Variants in TCF25 observed in about 807,000 individuals in gnomAD.
TCF25 encodes ribosome quality control complex subunit TCF25.
A neutral mutation model predicts 83.1 loss-of-function variants in TCF25; 41 were observed. The ratio of observed to expected loss-of-function variants is 0.49; its 90% CI spans 0.38 to 0.64. The LOEUF (loss-of-function observed/expected upper bound fraction) is 0.64, where lower values mean the gene tolerates loss of function less well. TCF25 is among the 30% of genes least tolerant of loss of function. TCF25 has a pLI of 0.00. For missense variants in TCF25, 979 were observed against 914.5 expected, an observed-to-expected ratio of 1.07 and a Z score of -0.91; for synonymous variants, 458 against 365.0, an observed-to-expected ratio of 1.25 and a Z score of -2.90.
At chr16:89,895,233 AT>A in intron 8 of TCF25, 96 bp downstream of exon 8, 1 of 1,149,376 alleles carries the variant, frequency 8.7e-7, no homozygotes, top group Non-Finnish European at 1.3e-6. Flanking sequence ...GGTTGCCAGG[AT>A]ATCCATGACA....
chr16:89,881,453 TA>T (rs966638381), intron 1 of TCF25, among the ~76,000 whole-genome samples: 5 of 152,056 alleles, frequency 3.3e-5, no homozygotes, highest in African/African-American at 7.2e-5. Context: ...GCTTTTTTTT[TA>T]AAAAATTTAG....
At position 89,900,523 on chromosome 16, in the gene TCF25, A is replaced by G. The variant is rs1432563204; in HGVS notation, c.1222-112A>G. 8 of 1,275,776 alleles carry G rather than the reference A, an allele frequency of 6.3e-6. No individual in the cohort carries two copies. In the Admixed American group the frequency reaches 9.3e-5, roughly 15 times the overall value. The allele number at this position is 1,275,776 out of a possible 1,614,324, so 79.0% of individuals were successfully genotyped here. A position where few individuals can be genotyped will look rare whatever the true frequency, so the allele number is the denominator to read the frequency against. On this transcript the variant is annotated intron_variant, in intron 11 of 17. Transcript: ENST00000263346. ...AGGAAGAGGCCCTTGCGTTGCCTGC[A>G]GAATATACCTGCTCGGGGTAGGGCT...
Position 89,905,068 on chromosome 16 carries a change from G to T in TCF25, c.1600G>T (p.Asp534Tyr). The T allele has an allele frequency of 6.2e-7, 1 of 1,602,028 alleles. No homozygotes were observed. The highest frequency in any genetic ancestry group is 8.5e-7 in the Non-Finnish European group (1 of 1,175,000). The change falls in exon 14 of 18, where the codon GAC becomes TAC. Residue 534 changes from aspartate to tyrosine, a missense_variant. Transcript: ENST00000263346. ...HEVLQAVDAG[D>Y]PAVEACENRR... ...GGTTCTGCAAGCAGTGGACGCCGGG[G>T]ACCCAGCCGTGGAAGCCTGTGAGAA...
chr16:89,908,839 C>G (rs199951575), intron 16 of TCF25: 6 of 1,023,978 alleles, frequency 5.9e-6, no homozygotes, highest in African/African-American at 1.7e-5. Flanking sequence ...GCTCCCACCT[C>G]GCAGCTCCCA....
At chr16:89,883,815 C>T (rs1047537842) in intron 2 of TCF25, 105 of 292,810 alleles carry the variant, frequency 3.6e-4, no homozygotes, top group African/African-American at 2.5e-3. Context: ...CGACCGCGCA[C>T]GTGTGTGCCT....
In TCF25 at chr16:89,905,682, G is replaced by A. The variant is rs77859222; in HGVS notation, c.1629-512G>A. Among the ~76,000 whole-genome samples, 863 of 152,340 alleles carry A rather than the reference G, an allele frequency of 5.7e-3. 5 individuals carry two copies. Among genetic ancestry groups the A allele is most frequent in the African/African-American group, 0.019 (806 of 41,576 alleles). On this transcript the variant is annotated intron_variant, in intron 14 of 17. Coordinates refer to ENST00000263346, the MANE Select transcript of TCF25 (RefSeq NM_014972.3). ...TGTGCCGCGGACATGAGGTGTGCCC[G>A]GGGGTGCCCAAGAGGCGCTGGTGCC...
At position 89,904,235 on chromosome 16, in the gene TCF25, G is replaced by A. The variant is rs1226405476; in HGVS notation, c.1469+30G>A. ...AGAGTGGCTGGTGGTGCCCATCTGT[G>A]GGTGCCTGTGGGTTCGGAGCCTGGG... On this transcript the variant is annotated intron_variant, in intron 13 of 17. Coordinates refer to ENST00000263346, the MANE Select transcript of TCF25 (RefSeq NM_014972.3). The A allele has an allele frequency of 4.2e-5, 65 of 1,550,936 alleles. No homozygotes were observed. In the East Asian group the frequency reaches 1.6e-3, roughly 38 times the overall value.
chr16:89,889,156 G>T, intron 5 of TCF25: 1 of 367,062 alleles, frequency 2.7e-6, no homozygotes, highest in Non-Finnish European at 5.2e-6. Flanking sequence ...TCCACCTCTG[G>T]ACTCTCCATC....
chr16:89,887,610 A>T, intron 4 of TCF25, 42 bp from the exon 5 acceptor site: 1 of 1,549,184 alleles, frequency 6.5e-7, no homozygotes, highest in Non-Finnish European at 8.7e-7. Context: ...TCGTCTTAGA[A>T]CATAATTTCA....
intron 6 of TCF25, 115 bp from the exon 7 acceptor site, chr16:89,893,613 A>G: frequency 6.5e-7 from 1 of 1,529,854 alleles, no homozygotes; most frequent in Non-Finnish European, 8.9e-7. Context: ...ACTCAGGTCA[A>G]GTTTGTCGAT....
chr16:89,908,266 CCTCT>C (rs1318354941), intron 16 of TCF25, among the ~76,000 whole-genome samples: 5 of 120,646 alleles, frequency 4.1e-5, no homozygotes, highest in African/African-American at 1.7e-4. Context: ...CTCCCAGCTC[CCTCT>C]TCCCTCCTCC....
intron 7 of TCF25, 127 bp downstream of exon 7, chr16:89,893,985 A>G: frequency 7.1e-7 from 1 of 1,400,072 alleles, no homozygotes; most frequent in Non-Finnish European, 9.6e-7. Context: ...GAAGGGTGCC[A>G]GTCTCTGCAG....
chr16:89,873,700 G>C lies in TCF25; in HGVS notation c.33G>C (p.Gly11=). The C allele has an allele frequency of 1.2e-6, 2 of 1,609,202 alleles. No homozygotes were observed. Among genetic ancestry groups the C allele is most frequent in the East Asian group, 4.5e-5 (2 of 44,466 alleles). Residue 11 remains glycine (G), a synonymous_variant, in exon 1 of 18, where the codon GGG becomes GGC. Transcript: ENST00000263346. The part of the protein sequence containing the change: MSRRALRRLR[G]EQRGQEPLGP... ...GCCGGGCCCTCCGGAGGCTGAGGGG[G>C]GAACAGCGCGGCCAGGAGCCCCTCG...
intron 9 of TCF25, among the ~76,000 whole-genome samples, chr16:89,897,106 C>T (rs1317730435): frequency 6.6e-6 from 1 of 152,078 alleles, no homozygotes; most frequent in Non-Finnish European, 1.5e-5. Flanking sequence ...ATTGCATTTC[C>T]TTCTATGTTT....
At position 89,905,067 on chromosome 16, in the gene TCF25, G is replaced by C; in HGVS notation, c.1599G>C (p.Gly533=). The C allele has an allele frequency of 6.2e-7, 1 of 1,602,162 alleles. No individual in the cohort carries two copies. Among genetic ancestry groups the C allele is most frequent in the Admixed American group, 1.7e-5 (1 of 58,646 alleles). The change falls in exon 14 of 18, where the codon GGG becomes GGC. Residue 533 remains glycine (G), a synonymous_variant. Transcript: ENST00000263346. ...AGGTTCTGCAAGCAGTGGACGCCGGGGACCCAGCCGTGGAAGCCTGTGAGA... is the reference window on the plus strand; with the variant it reads ...AGGTTCTGCAAGCAGTGGACGCCGGCGACCCAGCCGTGGAAGCCTGTGAGA... ...VHEVLQAVDA[G]DPAVEACENR...
chr16:89,885,972 GCCC>G lies in TCF25; in HGVS notation c.548+9_548+11del, dbSNP rs1398755070. ...GTTCTCTACGTGGAGCACAGGTGTG[GCCC>G]CCGCCCTTCTCTGCGGCTGCCCTTC... On this transcript the variant is annotated splice_region_variant and intron_variant, in intron 4 of 17. Coordinates refer to ENST00000263346, the MANE Select transcript of TCF25 (RefSeq NM_014972.3). The G allele has an allele frequency of 6.2e-7, 1 of 1,612,600 alleles. No individual in the cohort carries two copies. The highest frequency in any genetic ancestry group is 8.5e-7 in the Non-Finnish European group (1 of 1,178,964).
intron 2 of TCF25, 29 bp downstream of exon 2, chr16:89,883,541 A>G (rs763473212): frequency 1.1e-4 from 176 of 1,566,962 alleles, no homozygotes; most frequent in Non-Finnish European, 1.5e-4. Flanking sequence ...AGGAGGTGGC[A>G]TCAGACGGGA....
chr16:89,910,387 C>T, intron 16 of TCF25: 1 of 603,762 alleles, frequency 1.7e-6, no homozygotes, highest in Non-Finnish European at 2.9e-6. Context: ...TCCCGCTGTC[C>T]ACAGCCCCAC....
At chr16:89,876,683 T>C (rs1172716879) in intron 1 of TCF25, among the ~76,000 whole-genome samples, 2 of 151,980 alleles carry the variant, frequency 1.3e-5, no homozygotes, top group African/African-American at 4.8e-5. Flanking sequence ...TCCCAGCACT[T>C]TGGGAGGCCG....
Sources: gnomAD v4.1 joint callset for allele counts (sites outside exome capture counted in the v4.1 genomes callset) on GRCh38, gnomAD v4.1.1 for gene constraint, MANE v1.5 for transcripts, NCBI Gene and HGNC (gene_info 2026-07-23, HGNC 2026-07-21) for gene names.